Variants in CEMIP observed in about 807,000 individuals in gnomAD.
CEMIP encodes cell migration inducing hyaluronidase 1.
CEMIP carries 105 observed loss-of-function variants against 156.9 expected under a neutral mutation model. The ratio of observed to expected loss-of-function variants is 0.67; its 90% CI spans 0.57 to 0.79. CEMIP has a LOEUF of 0.79. Ranked by LOEUF, CEMIP falls within the 30% of genes least tolerant of loss-of-function variation. The pLI, the probability that CEMIP is intolerant of heterozygous loss-of-function variation, is 0.00. For synonymous variants in CEMIP, 676 were observed against 668.4 expected, an observed-to-expected ratio of 1.01 and a Z score of -0.17; for missense variants, 1,457 against 1,769.4, an observed-to-expected ratio of 0.82 and a Z score of 3.17.
At chr15:80,924,855 T>C in intron 18 of CEMIP, 149 bp downstream of exon 18, 1 of 762,208 alleles carries the variant, frequency 1.3e-6, no homozygotes, top group Non-Finnish European at 2.3e-6. Flanking sequence ...GGTACAATGG[T>C]GAAAACCTGA....
At chr15:80,842,637 C>T (rs1191616776) in intron 1 of CEMIP, among the ~76,000 whole-genome samples, 2 of 152,070 alleles carry the variant, frequency 1.3e-5, no homozygotes, top group African/African-American at 2.4e-5. Flanking sequence ...GAGGCTGAGG[C>T]AGGAGAATCG....
At chr15:80,837,535 T>G (rs768006449) in intron 1 of CEMIP, among the ~76,000 whole-genome samples, 4 of 152,128 alleles carry the variant, frequency 2.6e-5, no homozygotes, top group Non-Finnish European at 5.9e-5. Flanking sequence ...AAACATACAG[T>G]CAAAACTCAG....
intron 1 of CEMIP, among the ~76,000 whole-genome samples, chr15:80,853,566 G>A (rs2141744062): frequency 6.6e-6 from 1 of 152,310 alleles, no homozygotes; most frequent in South Asian, 2.1e-4. Flanking sequence ...GGTCTTTGAA[G>A]CCCTAAGAAG....
chr15:80,823,893 C>G (rs1447726641), intron 1 of CEMIP, among the ~76,000 whole-genome samples: 1 of 152,184 alleles, frequency 6.6e-6, no homozygotes, highest in African/African-American at 2.4e-5. Flanking sequence ...CACCTGTAAA[C>G]TATCCCTGTC....
intron 4 of CEMIP, among the ~76,000 whole-genome samples, 174 bp downstream of exon 4, chr15:80,879,041 T>A (rs1381314975): frequency 6.6e-6 from 1 of 152,210 alleles, no homozygotes; most frequent in African/African-American, 2.4e-5. Context: ...AGGAATGGCT[T>A]GTCGGAGGTC....
At chr15:80,806,144 G>A (rs1375309233) in intron 1 of CEMIP, among the ~76,000 whole-genome samples, 1 of 152,222 alleles carries the variant, frequency 6.6e-6, no homozygotes, top group Non-Finnish European at 1.5e-5. Context: ...TTTTATTGGG[G>A]AGGCTGGCAT....
intron 1 of CEMIP, among the ~76,000 whole-genome samples, chr15:80,829,965 G>GGTGTGTGTGTGTGTGTGTGT (rs370594946): frequency 6.7e-5 from 9 of 133,708 alleles, no homozygotes; most frequent in African/African-American, 2.3e-4. Context: ...GGAGGTAGCG[G>GGTGTGTGTGTGTGTGTGTGT]GTGTGTGTGT....
At chr15:80,852,375 C>A (rs1260446916) in intron 1 of CEMIP, among the ~76,000 whole-genome samples, 2 of 152,006 alleles carry the variant, frequency 1.3e-5, no homozygotes, top group African/African-American at 2.4e-5. Context: ...GATTCCATGG[C>A]TACTTCCAAT....
chr15:80,947,152 G>A, intron 29 of CEMIP, 87 bp downstream of exon 29: 9 of 831,160 alleles, frequency 1.1e-5, no homozygotes, highest in Non-Finnish European at 1.8e-5. Context: ...CTTTTGCTGA[G>A]TTGAGAACAT....
intron 13 of CEMIP, among the ~76,000 whole-genome samples, chr15:80,907,650 T>C (rs1270522505): frequency 6.6e-6 from 1 of 152,178 alleles, no homozygotes; most frequent in Non-Finnish European, 1.5e-5. Flanking sequence ...AGAAGAGACA[T>C]AGTGAGCTGC....
chr15:80,901,456 C>T (rs1009283331), intron 12 of CEMIP, among the ~76,000 whole-genome samples: 52 of 152,290 alleles, frequency 3.4e-4, no homozygotes, highest in African/African-American at 1.0e-3. Context: ...AATCCCAACA[C>T]TTTGGGAGGC....
At chr15:80,811,306 A>G (rs1896666778) in intron 1 of CEMIP, among the ~76,000 whole-genome samples, 1 of 152,208 alleles carries the variant, frequency 6.6e-6, no homozygotes, top group South Asian at 2.1e-4. Context: ...TACTGCATCC[A>G]TCATGGAGCC....
rs746438509 is a variant in CEMIP, at chr15:80,878,906, C to T, written c.241+39C>T. 1.9e-6 allele frequency: 3 copies of T among 1,613,280 alleles called. No homozygotes were observed. The East Asian group carries it at 6.7e-5, about 36-fold the overall frequency. On this transcript the variant is annotated intron_variant, in intron 4 of 29. Coordinates refer to ENST00000394685, the MANE Select transcript of CEMIP (RefSeq NM_001293298.2). ...TCTCTGCTGCTCCCTCTTCCCTCCACTGCCCCAGAGCTTAGCAGATAGGAT... is the reference window on the plus strand; with the variant it reads ...TCTCTGCTGCTCCCTCTTCCCTCCATTGCCCCAGAGCTTAGCAGATAGGAT...
At chr15:80,862,415 G>A (rs1246785725) in intron 1 of CEMIP, among the ~76,000 whole-genome samples, 1 of 152,228 alleles carries the variant, frequency 6.6e-6, no homozygotes, top group Admixed American at 6.5e-5. Flanking sequence ...TCAAAGTCGG[G>A]GCTGGAGGGA....
chr15:80,908,492 C>T (rs182996006), intron 13 of CEMIP, among the ~76,000 whole-genome samples: 27 of 152,218 alleles, frequency 1.8e-4, no homozygotes, highest in East Asian at 7.7e-4. Context: ...GCAGGAGTTC[C>T]GTGTGGTCAA....
chr15:80,829,990 G>T (rs76901019), intron 1 of CEMIP, among the ~76,000 whole-genome samples: 5 of 149,176 alleles, frequency 3.4e-5, no homozygotes, highest in East Asian at 2.0e-4. Context: ...GTGTGTGTGT[G>T]TGTGTGTGTG....
At chr15:80,816,793 C>A (rs1596108972) in intron 1 of CEMIP, among the ~76,000 whole-genome samples, 1 of 152,092 alleles carries the variant, frequency 6.6e-6, no homozygotes, top group African/African-American at 2.4e-5. Flanking sequence ...TGTACCTGCA[C>A]AGCTCCAAGC....
Position 80,793,527 on chromosome 15 carries a change from C to T in CEMIP, c.-176+13913C>T, listed in dbSNP as rs559406163. On this transcript the variant is annotated intron_variant, in intron 1 of 29. Coordinates refer to ENST00000394685, the MANE Select transcript of CEMIP (RefSeq NM_001293298.2). ...GATCAGAATAATTTATCACTAATTA[C>T]GGTTTTGGAAATGAAGCTTAGATGA... Among the ~76,000 whole-genome samples, 7 of 152,244 alleles carry T rather than the reference C, an allele frequency of 4.6e-5. No homozygotes were observed. The South Asian group carries it at 8.3e-4, about 18-fold the overall frequency.
intron 29 of CEMIP, 24 bp downstream of exon 29, chr15:80,947,089 A>T (rs776953998): frequency 6.7e-7 from 1 of 1,483,314 alleles, no homozygotes; most frequent in South Asian, 1.1e-5. Context: ...CTGGGGTTTA[A>T]ACTGACCCCA....
Sources: allele counts gnomAD v4.1 joint callset (sites outside exome capture counted in the v4.1 genomes callset), GRCh38; gene constraint gnomAD v4.1.1; transcripts MANE v1.5; gene names NCBI Gene and HGNC (gene_info 2026-07-23, HGNC 2026-07-21).